Variants in CDKL3 observed in about 807,000 individuals in gnomAD.
CDKL3 encodes the protein cyclin-dependent kinase-like 3.
In CDKL3, 65 loss-of-function variants were observed where a neutral mutation model predicts 69.3. The observed-to-expected ratio is 0.94, with a 90% CI of 0.77 to 1.15. CDKL3 has a LOEUF of 1.15. Among genes scored for constraint, CDKL3 ranks in the 50% most tolerant of loss-of-function variants. CDKL3 has a pLI of 0.00. For synonymous variants in CDKL3, 202 were observed against 221.6 expected, an observed-to-expected ratio of 0.91 and a Z score of 0.79; for missense variants, 652 against 689.2, an observed-to-expected ratio of 0.95 and a Z score of 0.61.
chr5:134,288,720 C>T (rs1764987908), intron 8 of CDKL3, among the ~76,000 whole-genome samples: 1 of 152,108 alleles, frequency 6.6e-6, no homozygotes, highest in Admixed American at 6.5e-5. Context: ...CACTACAAAC[C>T]CACTGTGTCC....
intron 4 of CDKL3, among the ~76,000 whole-genome samples, chr5:134,332,080 C>A (rs543888390): frequency 1.3e-5 from 2 of 152,300 alleles, no homozygotes; most frequent in Admixed American, 1.3e-4. Flanking sequence ...TGTCTGTTGG[C>A]TGCATAAATG....
intron 7 of CDKL3, among the ~76,000 whole-genome samples, chr5:134,311,227 G>C (rs1347031097): frequency 1.3e-5 from 2 of 152,228 alleles, no homozygotes; most frequent in Non-Finnish European, 2.9e-5. Flanking sequence ...ACTGCAGCCG[G>C]GCGCAATGGC....
intron 10 of CDKL3, among the ~76,000 whole-genome samples, chr5:134,304,852 ATT>A (rs1168581536): frequency 1.3e-5 from 2 of 148,984 alleles, no homozygotes; most frequent in Non-Finnish European, 3.0e-5. Flanking sequence ...TATTATTATT[ATT>A]TTGAGTGCAT....
intron 3 of CDKL3, among the ~76,000 whole-genome samples, chr5:134,355,391 A>T (rs1561635258): frequency 6.6e-6 from 1 of 152,194 alleles, no homozygotes; most frequent in Non-Finnish European, 1.5e-5. Context: ...TTGAATGGAG[A>T]CATCCCTGGG....
intron 8 of CDKL3, among the ~76,000 whole-genome samples, chr5:134,287,287 A>G (rs1200536724): frequency 6.6e-6 from 1 of 152,198 alleles, no homozygotes; most frequent in Non-Finnish European, 1.5e-5. Context: ...GCAAGTTTTT[A>G]TTACTCTGGT....
intron 6 of CDKL3, among the ~76,000 whole-genome samples, chr5:134,314,353 A>G (rs1478931948): frequency 6.6e-6 from 1 of 152,232 alleles, no homozygotes; most frequent in East Asian, 1.9e-4. Flanking sequence ...CTACTTTGGA[A>G]AATGTAAAAC....
intron 2 of CDKL3, among the ~76,000 whole-genome samples, chr5:134,362,105 T>A (rs543763613): frequency 1.1e-4 from 17 of 152,222 alleles, no homozygotes; most frequent in African/African-American, 4.1e-4. Flanking sequence ...ATGAAATCCC[T>A]AGAAATGCTC....
At chr5:134,284,975 T>C (rs1438018306), downstream of CDKL3, among the ~76,000 whole-genome samples, 2 of 152,222 alleles carry the variant, frequency 1.3e-5, no homozygotes, top group African/African-American at 4.8e-5. Context: ...ACATACATCC[T>C]CAGCTTACGA....
chr5:134,339,319 C>A (rs924360565), intron 4 of CDKL3, among the ~76,000 whole-genome samples: 1 of 151,970 alleles, frequency 6.6e-6, no homozygotes, highest in African/African-American at 2.4e-5. Flanking sequence ...ATTCGATATA[C>A]AAACATTATA....
intron 4 of CDKL3, among the ~76,000 whole-genome samples, chr5:134,332,111 G>A (rs556351736): frequency 1.3e-5 from 2 of 152,282 alleles, no homozygotes; most frequent in East Asian, 1.9e-4. Context: ...AGAAGTGTCT[G>A]TTCATATCCT....
At chr5:134,326,917 A>G (rs1377906622) in intron 4 of CDKL3, among the ~76,000 whole-genome samples, 3 of 149,046 alleles carry the variant, frequency 2.0e-5, no homozygotes, top group African/African-American at 7.4e-5. Flanking sequence ...TAAAATGAAG[A>G]TTTATTTATC....
intron 6 of CDKL3, among the ~76,000 whole-genome samples, chr5:134,318,150 C>T (rs969470033): frequency 6.6e-6 from 1 of 150,766 alleles, no homozygotes; most frequent in Non-Finnish European, 1.5e-5. Context: ...ACCCAGGAGG[C>T]GGAGGTTGTG....
intron 2 of CDKL3, among the ~76,000 whole-genome samples, chr5:134,364,614 C>G (rs1756933802): frequency 6.6e-6 from 1 of 151,838 alleles, no homozygotes; most frequent in African/African-American, 2.4e-5. Context: ...TGGGTTCAAG[C>G]AATTCTTCTG....
chr5:134,340,290 G>A (rs1750155232), intron 4 of CDKL3, among the ~76,000 whole-genome samples: 1 of 152,152 alleles, frequency 6.6e-6, no homozygotes, highest in Non-Finnish European at 1.5e-5. Flanking sequence ...TATCAAATCA[G>A]TAACCTAACC....
At chr5:134,359,555 G>A (rs1257167282) in intron 3 of CDKL3, among the ~76,000 whole-genome samples, 2 of 151,768 alleles carry the variant, frequency 1.3e-5, no homozygotes, top group African/African-American at 4.8e-5. Flanking sequence ...CTTTATATGA[G>A]CAACTCTCCA....
At chr5:134,364,479 CTTCTATAGTCT>C (rs1435841767) in intron 2 of CDKL3, among the ~76,000 whole-genome samples, 5 of 151,644 alleles carry the variant, frequency 3.3e-5, no homozygotes, top group South Asian at 4.2e-4. Context: ...CCTTTGACTC[CTTCTATAGTCT>C]TTCTATAGTC....
upstream of CDKL3, chr5:134,367,368 C>CTTTTTTTTTTTTTTTTTTTTTTTTTT (rs57811547): frequency 1.5e-6 from 1 of 671,792 alleles, no homozygotes; most frequent in African/African-American, 3.2e-5. Flanking sequence ...GGATCTGCAT[C>CTTTTTTTTTTTTTTTTTTTTTTTTTT]TTTTTTTTTT....
At chr5:134,340,386 A>C (rs1355299905) in intron 4 of CDKL3, among the ~76,000 whole-genome samples, 1 of 152,214 alleles carries the variant, frequency 6.6e-6, no homozygotes, top group Non-Finnish European at 1.5e-5. Context: ...AAAGTTCATT[A>C]AATAGAGAAT....
At chr5:134,371,324 G>T, upstream of CDKL3, 1 of 576,628 alleles carries the variant, frequency 1.7e-6, no homozygotes, top group Non-Finnish European at 3.1e-6. Flanking sequence ...GAAGCCCAGG[G>T]GGAACCGCGC....
Sources: gnomAD v4.1 joint callset for allele counts (sites outside exome capture counted in the v4.1 genomes callset) on GRCh38, gnomAD v4.1.1 for gene constraint, MANE v1.5 for transcripts, NCBI Gene and HGNC (gene_info 2026-07-23, HGNC 2026-07-21) for gene names.